Variants in MIPOL1 observed in about 807,000 individuals in gnomAD.
MIPOL1 encodes mirror-image polydactyly 1.
Under a neutral mutation model 60.9 loss-of-function variants are expected in MIPOL1, and 57 were observed. That is an observed-to-expected ratio of 0.94 (90% confidence interval 0.76 to 1.17). MIPOL1 has a LOEUF of 1.17. Among genes scored for constraint, MIPOL1 ranks in the 50% most tolerant of loss-of-function variants. The pLI is 0.00. For synonymous variants in MIPOL1, 179 were observed against 168.8 expected, an observed-to-expected ratio of 1.06 and a Z score of -0.47; for missense variants, 551 against 511.6, an observed-to-expected ratio of 1.08 and a Z score of -0.74.
chr14:37,536,595 C>T (rs1159251143), intron 12 of MIPOL1, among the ~76,000 whole-genome samples: 2 of 152,162 alleles, frequency 1.3e-5, no homozygotes, highest in African/African-American at 4.8e-5. Flanking sequence ...CATTCGGGTA[C>T]ATTTCTGCTA....
chr14:37,299,453 TA>T (rs1408233588), intron 7 of MIPOL1, among the ~76,000 whole-genome samples: 2 of 33,556 alleles, frequency 6.0e-5, no homozygotes, highest in Admixed American at 5.5e-4. Flanking sequence ...AAAAAAAAAT[TA>T]AAAAAATAAA....
At chr14:37,331,751 T>C (rs8181935) in intron 9 of MIPOL1, among the ~76,000 whole-genome samples, 151,226 of 152,284 alleles carry the variant, frequency 0.99, 75,096 homozygotes, top group Middle Eastern at 1. Context: ...AGTTCGAGTA[T>C]GCTTTATATC....
chr14:37,411,611 A>G (rs374984701), intron 10 of MIPOL1, among the ~76,000 whole-genome samples: 17 of 152,136 alleles, frequency 1.1e-4, no homozygotes, highest in Admixed American at 2.6e-4. Flanking sequence ...GTTTTTGTAA[A>G]TAAAATTTTA....
chr14:37,292,384 A>G (rs1179740042), intron 7 of MIPOL1, among the ~76,000 whole-genome samples: 1 of 150,418 alleles, frequency 6.6e-6, no homozygotes, highest in Non-Finnish European at 1.5e-5. Context: ...ATTTCTTTGC[A>G]TCTTGCTCAT....
chr14:37,457,041 TTTTAGAGCTATACA>T (rs2094484169), intron 11 of MIPOL1, among the ~76,000 whole-genome samples: 1 of 152,168 alleles, frequency 6.6e-6, no homozygotes, highest in Non-Finnish European at 1.5e-5. Flanking sequence ...TGATAATTTA[TTTTAGAGCTATACA>T]TAATGTAAAA....
chr14:37,275,386 C>A (rs566753398), intron 6 of MIPOL1, among the ~76,000 whole-genome samples: 1 of 151,224 alleles, frequency 6.6e-6, no homozygotes, highest in South Asian at 2.1e-4. Context: ...TATCTCTTCT[C>A]ACCTAAAAAA....
intron 11 of MIPOL1, among the ~76,000 whole-genome samples, chr14:37,424,707 G>C (rs1001729619): frequency 6.6e-6 from 1 of 152,172 alleles, no homozygotes; most frequent in African/African-American, 2.4e-5. Context: ...ATTAGAATTA[G>C]TGTCTATAAG....
chr14:37,242,045 G>C (rs1243896764), intron 1 of MIPOL1, among the ~76,000 whole-genome samples: 1 of 151,280 alleles, frequency 6.6e-6, no homozygotes, highest in East Asian at 2.0e-4. Context: ...AAAGTTTCAA[G>C]GGTGTCATGA....
chr14:37,380,132 C>T (rs2153508007), intron 10 of MIPOL1, among the ~76,000 whole-genome samples: 1 of 152,174 alleles, frequency 6.6e-6, no homozygotes, highest in Non-Finnish European at 1.5e-5. Context: ...CAGCTGTAGA[C>T]TATGGGCAAT....
At chr14:37,454,245 A>C (rs978354580) in intron 11 of MIPOL1, among the ~76,000 whole-genome samples, 2 of 152,074 alleles carry the variant, frequency 1.3e-5, no homozygotes, top group African/African-American at 4.8e-5. Flanking sequence ...CCTTACTCCA[A>C]CTGGATTACA....
chr14:37,281,781 G>A (rs894368017), intron 6 of MIPOL1, among the ~76,000 whole-genome samples: 8 of 151,782 alleles, frequency 5.3e-5, no homozygotes, highest in Non-Finnish European at 7.4e-5. Context: ...GGCTGTTTGG[G>A]GTCTTTTGTG....
chr14:37,464,588 G>A (rs1197331840), intron 11 of MIPOL1, among the ~76,000 whole-genome samples: 2 of 152,176 alleles, frequency 1.3e-5, no homozygotes, highest in East Asian at 1.9e-4. Flanking sequence ...CCAAAGTGGG[G>A]TAGGAGGAAG....
At chr14:37,347,532 G>A (rs2091030006) in intron 9 of MIPOL1, among the ~76,000 whole-genome samples, 1 of 152,102 alleles carries the variant, frequency 6.6e-6, no homozygotes, top group Non-Finnish European at 1.5e-5. Flanking sequence ...CAAAATGGGA[G>A]CAAGATAATA....
At chr14:37,359,875 A>T (rs962075208) in intron 9 of MIPOL1, among the ~76,000 whole-genome samples, 2 of 152,178 alleles carry the variant, frequency 1.3e-5, no homozygotes, top group African/African-American at 4.8e-5. Context: ...GAGTGGTGAG[A>T]GAGGGCATCC....
intron 11 of MIPOL1, among the ~76,000 whole-genome samples, chr14:37,494,562 G>A (rs181193918): frequency 1.4e-4 from 21 of 152,294 alleles, no homozygotes; most frequent in African/African-American, 4.6e-4. Context: ...GGTCAGTGAT[G>A]CAGGGCTTTA....
chr14:37,500,488 T>C (rs2095200141), intron 12 of MIPOL1, among the ~76,000 whole-genome samples: 1 of 152,128 alleles, frequency 6.6e-6, no homozygotes, highest in African/African-American at 2.4e-5. Flanking sequence ...CTAATTTAGC[T>C]TTACAATAAT....
intron 10 of MIPOL1, among the ~76,000 whole-genome samples, chr14:37,376,375 C>T (rs4900835): frequency 0.99 from 150,481 of 152,282 alleles, 74,375 homozygotes; most frequent in Middle Eastern, 1. Context: ...TCCATAGTTT[C>T]GCTTTTTCCA....
intron 10 of MIPOL1, among the ~76,000 whole-genome samples, chr14:37,399,161 G>A (rs575086524): frequency 6.6e-6 from 1 of 152,108 alleles, no homozygotes; most frequent in African/African-American, 2.4e-5. Flanking sequence ...GAATGAATAT[G>A]TGTATTAATA....
intron 12 of MIPOL1, among the ~76,000 whole-genome samples, chr14:37,545,341 G>A (rs1338314711): frequency 6.6e-6 from 1 of 152,080 alleles, no homozygotes; most frequent in Non-Finnish European, 1.5e-5. Flanking sequence ...TTGCCTTAAA[G>A]GATTCATGTA....
Sources: gnomAD v4.1 joint callset for allele counts (sites outside exome capture counted in the v4.1 genomes callset) on GRCh38, gnomAD v4.1.1 for gene constraint, MANE v1.5 for transcripts, NCBI Gene and HGNC (gene_info 2026-07-23, HGNC 2026-07-21) for gene names.